Variants in TAOK1 observed in about 807,000 individuals in gnomAD.
The protein encoded by TAOK1 is serine/threonine-protein kinase TAO1.
Under a neutral mutation model 138.3 loss-of-function variants are expected in TAOK1, and 21 were observed. The ratio of observed to expected loss-of-function variants is 0.15; its 90% confidence interval spans 0.11 to 0.22. The LOEUF (loss-of-function observed/expected upper bound fraction) is 0.22. Among genes scored for constraint, TAOK1 ranks in the 10% least tolerant of loss-of-function variants. The probability of loss-of-function intolerance (pLI) is 1.00; values close to 1 mark genes in which losing one functional copy is unlikely to be tolerated. For missense variants in TAOK1, 651 were observed against 1,227.7 expected (o/e 0.53, Z 7.02); for synonymous variants, 361 against 398.4 (o/e 0.91, Z 1.12).
At chr17:29,430,262 G>A (rs563342480) in intron 1 of TAOK1, among the ~76,000 whole-genome samples, 108 of 152,332 alleles carry the variant, frequency 7.1e-4, no homozygotes, top group African/African-American at 2.5e-3. Context: ...GAGCCCAGGT[G>A]TAGAATCTTC....
At chr17:29,474,630 A>G (rs1232162050) in intron 3 of TAOK1, among the ~76,000 whole-genome samples, 1 of 152,214 alleles carries the variant, frequency 6.6e-6, no homozygotes, top group Non-Finnish European at 1.5e-5. Context: ...ACCATCTTAT[A>G]TGGGCACAGT....
At chr17:29,481,542 T>C (rs943139030) in intron 7 of TAOK1, among the ~76,000 whole-genome samples, 3 of 152,016 alleles carry the variant, frequency 2.0e-5, no homozygotes, top group Non-Finnish European at 4.4e-5. Flanking sequence ...TGAGAACCAC[T>C]GGCCTAAAGT....
At chr17:29,407,421 A>G (rs1340302997) in intron 1 of TAOK1, among the ~76,000 whole-genome samples, 1 of 151,816 alleles carries the variant, frequency 6.6e-6, no homozygotes, top group Admixed American at 6.6e-5. Flanking sequence ...TTTATACCCA[A>G]TTGCCTGACG....
chr17:29,530,759 T>C, intron 18 of TAOK1, 140 bp downstream of exon 18: 3 of 702,174 alleles, frequency 4.3e-6, no homozygotes, highest in Non-Finnish European at 7.4e-6. Context: ...GTTCATTTTC[T>C]TCCTGTTCTC....
At chr17:29,532,959 C>T (rs1193171645) in intron 18 of TAOK1, among the ~76,000 whole-genome samples, 22 of 125,784 alleles carry the variant, frequency 1.7e-4, no homozygotes, top group African/African-American at 5.8e-4. Context: ...ACCTCCCTCC[C>T]GGACGGGGCG....
At chr17:29,412,024 CCT>C (rs940940628) in intron 1 of TAOK1, among the ~76,000 whole-genome samples, 3 of 150,648 alleles carry the variant, frequency 2.0e-5, no homozygotes, top group Non-Finnish European at 3.0e-5. Context: ...TTCCTTCCTT[CCT>C]CTCTCTCTCT....
intron 1 of TAOK1, among the ~76,000 whole-genome samples, chr17:29,440,950 G>A (rs1318178292): frequency 6.6e-6 from 1 of 152,064 alleles, no homozygotes; most frequent in South Asian, 2.1e-4. Context: ...ATGATTGTGG[G>A]TTTTTTCCCT....
chr17:29,527,082 C>T (rs983367072), intron 17 of TAOK1, among the ~76,000 whole-genome samples: 4 of 151,786 alleles, frequency 2.6e-5, no homozygotes, highest in Non-Finnish European at 5.9e-5. Flanking sequence ...GCTGAGGTAG[C>T]GCCACTGCAC....
At position 29,551,312 on chromosome 17, in the gene TAOK1, G is replaced by T. The variant is rs756040103; in HGVS notation, c.*8290G>T. 2.0e-5 allele frequency: 3 copies of T among 152,166 alleles called. No individual in the cohort carries two copies. The highest frequency in any genetic ancestry group is 4.4e-5 in the Non-Finnish European group (3 of 68,022). 9.4% of individuals were successfully genotyped at this position (152,166 alleles called of 1,614,324 possible). ...AAAAATGATGATTTTGCAAGACCTA[G>T]ATTTTGGCTTGGTTTCTTGCCTCCT... On this transcript the variant is annotated 3_prime_UTR_variant, in exon 20 of 20. Transcript: ENST00000261716.
intron 1 of TAOK1, among the ~76,000 whole-genome samples, chr17:29,420,226 T>A (rs1160343039): frequency 6.6e-6 from 1 of 151,836 alleles, no homozygotes; most frequent in Non-Finnish European, 1.5e-5. Context: ...TTTATTTTTT[T>A]AGAGATGGTT....
Position 29,482,343 on chromosome 17 carries a change from A to G in TAOK1, c.655+55A>G, listed in dbSNP as rs77432111. 1,320 of 1,311,072 alleles carry G rather than the reference A, an allele frequency of 1.0e-3. 19 individuals are homozygous for G. The African/African-American group carries it at 0.018, about 18-fold the overall frequency. The allele number at this position is 1,311,072 out of a possible 1,614,324, so 81.2% of individuals were successfully genotyped here. A position where few individuals can be genotyped will look rare whatever the true frequency, so the allele number is the denominator to read the frequency against. ...AAGTTTTGATCAATGTTTTACCTCA[A>G]TTTCTGTACCAATCTATAAAAATTA... On this transcript the variant is annotated intron_variant, in intron 8 of 19. Coordinates refer to ENST00000261716, the MANE Select transcript of TAOK1 (RefSeq NM_020791.4).
intron 3 of TAOK1, 64 bp downstream of exon 3, chr17:29,467,280 C>CT (rs930652260): frequency 0.04 from 34,984 of 867,230 alleles, no homozygotes; most frequent in East Asian, 0.053. Flanking sequence ...TATATACATT[C>CT]TTTTTTTTTT....
At chr17:29,475,393 A>C (rs2030922758) in intron 3 of TAOK1, among the ~76,000 whole-genome samples, 1 of 152,174 alleles carries the variant, frequency 6.6e-6, no homozygotes, top group South Asian at 2.1e-4. Context: ...TAGAAAAATT[A>C]GATGAGCATG....
At chr17:29,476,548 C>A (rs559420576) in intron 4 of TAOK1, among the ~76,000 whole-genome samples, 1 of 152,130 alleles carries the variant, frequency 6.6e-6, no homozygotes, top group East Asian at 1.9e-4. Flanking sequence ...ATAAAAAATA[C>A]CTGGCACATA....
At chr17:29,483,862 C>G (rs2153027052) in intron 8 of TAOK1, among the ~76,000 whole-genome samples, 1 of 152,242 alleles carries the variant, frequency 6.6e-6, no homozygotes, top group East Asian at 1.9e-4. Flanking sequence ...TTTTCCTACC[C>G]ATAGGTCCTA....
At chr17:29,541,897 C>T (rs990202140) in intron 19 of TAOK1, among the ~76,000 whole-genome samples, 4 of 151,312 alleles carry the variant, frequency 2.6e-5, no homozygotes, top group Non-Finnish European at 4.4e-5. Context: ...TTTTGTGAGA[C>T]GGAGTCTCGC....
chr17:29,541,026 G>T (rs1381428744), intron 19 of TAOK1, among the ~76,000 whole-genome samples: 1 of 150,746 alleles, frequency 6.6e-6, no homozygotes, highest in African/African-American at 2.4e-5. Context: ...TTTTATTTCT[G>T]TAGTACCTTA....
At position 29,547,935 on chromosome 17, in the gene TAOK1, T is replaced by C. The variant is rs1359615166; in HGVS notation, c.*4913T>C. On this transcript the variant is annotated 3_prime_UTR_variant, in exon 20 of 20. Coordinates refer to ENST00000261716, the MANE Select transcript of TAOK1 (RefSeq NM_020791.4). Reference sequence around the variant, plus strand: ...AAGTCTGTTTTGCTGTGTCTGGTTATGTTGTCTGCACTTTTATGAAATCAC... The same window carrying C: ...AAGTCTGTTTTGCTGTGTCTGGTTACGTTGTCTGCACTTTTATGAAATCAC... 6.6e-6 allele frequency: 1 copy of C among 152,148 alleles called. No individual in the cohort carries two copies. Among genetic ancestry groups the C allele is most frequent in the Non-Finnish European group, 1.5e-5 (1 of 67,990 alleles). 9.4% of individuals were successfully genotyped at this position (152,148 alleles called of 1,614,324 possible).
Position 29,504,314 on chromosome 17 carries a change from AAAAG to A in TAOK1, c.1338+1603_1338+1606del, listed in dbSNP as rs1375268920. Among the ~76,000 whole-genome samples the A allele has an allele frequency of 2.6e-3, 389 of 149,620 alleles. 3 individuals are homozygous for A. The highest frequency in any genetic ancestry group is 8.5e-3 in the African/African-American group (347 of 40,786). ...AAAAAAAAAAGGAAAGGAAGAAAAG[AAAAG>A]AAAGAAAGAAAAGAAGAGAGAGAGA... On this transcript the variant is annotated intron_variant, in intron 13 of 19. Transcript: ENST00000261716.
Sources: allele counts gnomAD v4.1 joint callset (sites outside exome capture counted in the v4.1 genomes callset), GRCh38; gene constraint gnomAD v4.1.1; transcripts MANE v1.5; gene names NCBI Gene and HGNC (gene_info 2026-07-23, HGNC 2026-07-21).